Variants in ZNF395 observed in about 807,000 individuals in gnomAD.
ZNF395 encodes the protein zinc finger protein 395.
In ZNF395, 20 loss-of-function variants were observed where a neutral mutation model predicts 57.7. That is an observed-to-expected ratio of 0.35 (90% confidence interval 0.24 to 0.50). The LOEUF is 0.50. ZNF395 is among the 20% of genes least tolerant of loss of function. The pLI, the probability that ZNF395 is intolerant of heterozygous loss-of-function variation, is 0.97. For missense variants in ZNF395, 606 were observed against 671.2 expected (o/e 0.90, Z 1.07); for synonymous variants, 295 against 275.9 (o/e 1.07, Z -0.69).
intron 1 of ZNF395, among the ~76,000 whole-genome samples, chr8:28,382,325 A>C (rs1425734051): frequency 2.0e-5 from 3 of 152,194 alleles, no homozygotes; most frequent in Non-Finnish European, 2.9e-5. Context: ...CCATATGCTT[A>C]AAACACTCCC....
chr8:28,357,704 G>C (rs557938653), intron 3 of ZNF395, among the ~76,000 whole-genome samples: 5 of 152,302 alleles, frequency 3.3e-5, no homozygotes, highest in East Asian at 3.9e-4. Flanking sequence ...CCATAGAACA[G>C]AAAAATAAAT....
intron 7 of ZNF395, among the ~76,000 whole-genome samples, chr8:28,350,514 G>C (rs929049836): frequency 2.0e-5 from 3 of 152,046 alleles, no homozygotes; most frequent in African/African-American, 7.3e-5. Flanking sequence ...TCTGCGTCTA[G>C]GGGGCATGGC....
intron 6 of ZNF395, 53 bp from the exon 7 acceptor site, chr8:28,351,860 C>G: frequency 1.3e-6 from 2 of 1,498,586 alleles, no homozygotes; most frequent in South Asian, 1.3e-5. Flanking sequence ...CCCTTCAAAC[C>G]CAGCGGGGAC....
intron 1 of ZNF395, among the ~76,000 whole-genome samples, chr8:28,365,996 TCTC>T (rs1480525029): frequency 6.6e-6 from 1 of 152,148 alleles, no homozygotes. Context: ...GTGGCTGTGC[TCTC>T]CTACCACCCA....
chr8:28,352,705 T>G lies in ZNF395; in HGVS notation c.820-32A>C. On this transcript the variant is annotated intron_variant, in intron 5 of 9. Transcript: ENST00000344423. The surrounding 1 kb of genome is among the most constrained non-coding windows in gnomAD (Gnocchi z 4.0). ...GAAAGGAAGACAGGGTGAGTGGATA[T>G]GTCTTTCTCCTTATCCCTCGCTCAA... 1 of 1,579,844 alleles carries G rather than the reference T, an allele frequency of 6.3e-7. No homozygotes were observed. Among genetic ancestry groups the G allele is most frequent in the Non-Finnish European group, 8.7e-7 (1 of 1,149,122 alleles).
intron 1 of ZNF395, among the ~76,000 whole-genome samples, chr8:28,362,829 G>A (rs1287062730): frequency 1.3e-5 from 2 of 152,206 alleles, no homozygotes; most frequent in East Asian, 3.8e-4. Context: ...ATTGAGTAAA[G>A]GGGCAAAATG....
At chr8:28,382,513 T>A (rs1388365590) in intron 1 of ZNF395, among the ~76,000 whole-genome samples, 2 of 152,150 alleles carry the variant, frequency 1.3e-5, no homozygotes, top group Non-Finnish European at 2.9e-5. Context: ...TGCAGCACCC[T>A]GAGACACCAA....
chr8:28,377,581 G>A (rs1015195467), intron 1 of ZNF395, among the ~76,000 whole-genome samples: 5 of 151,950 alleles, frequency 3.3e-5, no homozygotes, highest in East Asian at 1.9e-4. Flanking sequence ...GGATGCTGTT[G>A]AGCAAGGTGC....
At chr8:28,358,443 T>C (rs1003343068) in intron 3 of ZNF395, among the ~76,000 whole-genome samples, 10 of 151,824 alleles carry the variant, frequency 6.6e-5, no homozygotes, top group Admixed American at 5.3e-4. Context: ...TTTGGTTTGG[T>C]TTTTGTTTTT....
chr8:28,354,086 T>C (rs1008338570), intron 4 of ZNF395, among the ~76,000 whole-genome samples: 2 of 152,100 alleles, frequency 1.3e-5, no homozygotes, highest in African/African-American at 2.4e-5. Context: ...AGAAGTAACA[T>C]GTTTGGAGGA....
At chr8:28,353,862 T>C (rs1429270650) in intron 4 of ZNF395, among the ~76,000 whole-genome samples, 1 of 152,050 alleles carries the variant, frequency 6.6e-6, no homozygotes. Flanking sequence ...ACACCCAGAG[T>C]GTTGGGTACC....
chr8:28,350,457 C>A (rs1265957584), intron 7 of ZNF395, among the ~76,000 whole-genome samples: 1 of 152,232 alleles, frequency 6.6e-6, no homozygotes, highest in Non-Finnish European at 1.5e-5. Flanking sequence ...AACTGGATCA[C>A]CTACCAAGAA....
chr8:28,350,770 G>C (rs1801672108), intron 7 of ZNF395, among the ~76,000 whole-genome samples: 1 of 152,134 alleles, frequency 6.6e-6, no homozygotes, highest in Admixed American at 6.5e-5. Flanking sequence ...TTTGCAAATT[G>C]GCCCACAGAC....
intron 1 of ZNF395, chr8:28,385,402 G>GCCCCCC (rs3832542): frequency 1.4e-5 from 2 of 145,462 alleles, no homozygotes; most frequent in African/African-American, 5.2e-5. Context: ...GTGCAGCCCC[G>GCCCCCC]CCCCCCCCCC....
At chr8:28,378,362 C>T (rs1196144019) in intron 1 of ZNF395, among the ~76,000 whole-genome samples, 1 of 152,186 alleles carries the variant, frequency 6.6e-6, no homozygotes, top group Non-Finnish European at 1.5e-5. Context: ...ACATCAGCCT[C>T]CTAAGAGCTG....
At chr8:28,379,799 G>T (rs1240127883) in intron 1 of ZNF395, among the ~76,000 whole-genome samples, 1 of 143,662 alleles carries the variant, frequency 7.0e-6, no homozygotes, top group Non-Finnish European at 1.5e-5. Context: ...TGTCCCCACT[G>T]TGGAATACAT....
chr8:28,360,395 C>T (rs1431737771), intron 2 of ZNF395, among the ~76,000 whole-genome samples: 1 of 152,166 alleles, frequency 6.6e-6, no homozygotes, highest in Non-Finnish European at 1.5e-5. Context: ...GGCACCTGGA[C>T]CTCATAACAT....
At chr8:28,357,734 G>GAAT (rs1469398802) in intron 3 of ZNF395, among the ~76,000 whole-genome samples, 1 of 152,130 alleles carries the variant, frequency 6.6e-6, no homozygotes, top group Non-Finnish European at 1.5e-5. Context: ...GCATTCCACT[G>GAAT]AATACACTAT....
chr8:28,372,809 A>T lies in ZNF395; in HGVS notation c.-58-11627T>A, dbSNP rs1390535827. 2.0e-5 allele frequency among the ~76,000 whole-genome samples: 3 copies of T among 152,188 alleles called. No homozygotes were observed. The East Asian group carries it at 5.8e-4, about 29-fold the overall frequency. On this transcript the variant is annotated intron_variant, in intron 1 of 9. Coordinates refer to ENST00000344423, the MANE Select transcript of ZNF395 (RefSeq NM_018660.3). Reference sequence around the variant, plus strand: ...TCAGGGCCGGCGGGGATAAAAAAAGATGACTTATGAGGCCAGAGGACCATT... The same window carrying T: ...TCAGGGCCGGCGGGGATAAAAAAAGTTGACTTATGAGGCCAGAGGACCATT...
Sources: gnomAD v4.1 joint callset for allele counts (sites outside exome capture counted in the v4.1 genomes callset) on GRCh38, gnomAD v4.1.1 for gene constraint, Gnocchi (gnomAD v3.1) non-coding constraint, MANE v1.5 for transcripts, NCBI Gene and HGNC (gene_info 2026-07-23, HGNC 2026-07-21) for gene names.